Variants in KRT79 observed in about 807,000 individuals in gnomAD.
KRT79 encodes the protein keratin 79, also known as keratin, type II cytoskeletal 79.
In KRT79, 51 loss-of-function variants were observed where a neutral mutation model predicts 49.0. That is an observed-to-expected ratio of 1.04 (90% CI 0.83 to 1.31). KRT79 has a LOEUF of 1.31. Among genes scored for constraint, KRT79 ranks in the 40% most tolerant of loss-of-function variants. The probability of loss-of-function intolerance (pLI) is 0.00; values close to 1 mark genes in which losing one functional copy is unlikely to be tolerated. For synonymous variants in KRT79, 312 were observed against 286.6 expected, an observed-to-expected ratio of 1.09 and a Z score of -0.90; for missense variants, 728 against 688.0, an observed-to-expected ratio of 1.06 and a Z score of -0.65.
chr12:52,830,483 C>T (rs1429011202), intron 2 of KRT79, 191 bp from the exon 3 acceptor site: 16 of 582,866 alleles, frequency 2.7e-5, no homozygotes, highest in Admixed American at 6.1e-5. Context: ...TCTCTCCCCA[C>T]CCCATTTTAG....
rs116139599 is a variant in KRT79 at position 52,826,869 on chromosome 12, G to A, written c.856-2507C>T. ...GGTTACTGAGAGCCATGCTGGTTCCGTGACTGATCGAGCCCATGAGGCAGC... is the reference window on the plus strand; with the variant it reads ...GGTTACTGAGAGCCATGCTGGTTCCATGACTGATCGAGCCCATGAGGCAGC... On this transcript the variant is annotated intron_variant, in intron 4 of 8. Coordinates refer to ENST00000330553, the MANE Select transcript of KRT79 (RefSeq NM_175834.3). Among the ~76,000 whole-genome samples, 941 of 152,270 alleles carry A rather than the reference G, an allele frequency of 6.2e-3. 10 individuals are homozygous for A. The highest frequency in any genetic ancestry group is 0.022 in the African/African-American group (912 of 41,540).
intron 4 of KRT79, among the ~76,000 whole-genome samples, chr12:52,829,215 G>C (rs1940215505): frequency 6.6e-6 from 1 of 152,126 alleles, no homozygotes; most frequent in Non-Finnish European, 1.5e-5. Flanking sequence ...TCTCACTCTA[G>C]TCTCCAAAGC....
chr12:52,822,967 C>A lies in KRT79; in HGVS notation c.1367+49G>T, dbSNP rs557002474. 24 of 1,579,890 alleles carry A rather than the reference C, an allele frequency of 1.5e-5. No individual in the cohort carries two copies. The African/African-American group carries it at 1.6e-4, about 11-fold the overall frequency. On this transcript the variant is annotated intron_variant, in intron 7 of 8. Transcript: ENST00000330553. ...GGAGCAGACTCCCTGGGCTCTCCCC[C>A]AGGGCAGGCCCGACCCAGCTTTCTG...
At position 52,834,064 on chromosome 12, in the gene KRT79, C is replaced by T. The variant is rs1159313707; in HGVS notation, c.197G>A (p.Gly66Glu). The T allele has an allele frequency of 6.2e-7, 1 of 1,613,690 alleles. No individual in the cohort carries two copies. The highest frequency in any genetic ancestry group is 1.1e-5 in the South Asian group (1 of 91,064). Residue 66 changes from glycine to glutamate, a missense_variant, in exon 1 of 9, where the codon GGG (glycine) becomes GAG (glutamate). Coordinates refer to ENST00000330553, the MANE Select transcript of KRT79 (RefSeq NM_175834.3). ...GFGSRSLYNL[G>E]GHKSISVSVA... Reference sequence around the variant, plus strand: ...ACTGACAGAGATACTCTTGTGGCCCCCCAAGTTATAGAGGCTTCGGCTGCC... The same window carrying T: ...ACTGACAGAGATACTCTTGTGGCCCTCCAAGTTATAGAGGCTTCGGCTGCC...
Position 52,833,887 on chromosome 12 carries a change from G to A in KRT79, c.374C>T (p.Thr125Ile). 2 of 1,613,892 alleles carry A rather than the reference G, an allele frequency of 1.2e-6. No individual in the cohort carries two copies. Among genetic ancestry groups the A allele is most frequent in the Non-Finnish European group, 1.7e-6 (2 of 1,179,960 alleles). The stretch of plus-strand genomic sequence containing the variant: ...GGGGTCAATCTCCACATGGAGGGGG[G>A]TCAGCAGGCTCTGGTTGACAGTGAC... ...QEVTVNQSLL[T>I]PLHVEIDPEI... The change falls in exon 1 of 9, where the codon ACC becomes ATC. Residue 125 changes from threonine to isoleucine, a missense_variant. Transcript: ENST00000330553.
chr12:52,830,424 T>C (rs967834884), intron 2 of KRT79, 132 bp from the exon 3 acceptor site: 1 of 697,596 alleles, frequency 1.4e-6, no homozygotes, highest in Non-Finnish European at 2.5e-6. Context: ...AGTTCTTTAA[T>C]GTAGCCAACC....
Position 52,833,845 on chromosome 12 carries a change from C to T in KRT79, c.416G>A (p.Arg139His), listed in dbSNP as rs140416696. Residue 139 changes from arginine (R) to histidine (H), a missense_variant, in exon 1 of 9, where the codon CGC (arginine) becomes CAC (histidine). By Grantham distance (29) the Arg-to-His change is conservative. Coordinates refer to ENST00000330553, the MANE Select transcript of KRT79 (RefSeq NM_175834.3). ...CTTGATCTGCTCCCGCTCCTGAGTG[C>T]GCACTCGCTGGATCTCGGGGTCAAT... Reference protein sequence around the residue: ...VEIDPEIQRVRTQEREQIKTL... With the variant: ...VEIDPEIQRVHTQEREQIKTL... 1.7e-4 allele frequency: 267 copies of T among 1,613,950 alleles called. 1 individual carries two copies. The highest frequency in any genetic ancestry group is 8.5e-4 in the East Asian group (38 of 44,842).
intron 1 of KRT79, among the ~76,000 whole-genome samples, chr12:52,832,768 A>G (rs1236754202): frequency 1.3e-5 from 2 of 152,316 alleles, no homozygotes; most frequent in Admixed American, 6.5e-5. Context: ...CAAGAACCAC[A>G]GAGTCCAGGG....
chr12:52,832,922 C>T (rs938691520), intron 1 of KRT79, among the ~76,000 whole-genome samples: 1 of 152,158 alleles, frequency 6.6e-6, no homozygotes, highest in Non-Finnish European at 1.5e-5. Flanking sequence ...ACTGTGGGTA[C>T]CTCAGGAGAA....
chr12:52,834,282 C>T lies in KRT79; in HGVS notation c.-22G>A, dbSNP rs757084507. 6 of 1,591,744 alleles carry T rather than the reference C, an allele frequency of 3.8e-6. No homozygotes were observed. Among genetic ancestry groups the T allele is most frequent in the Non-Finnish European group, 4.3e-6 (5 of 1,161,836 alleles). ...TCATAGCTGCAGAGGGGCCGGAGGG[C>T]AGGATGAGAGGGCAGGAAGGGAGTG... On this transcript the variant is annotated 5_prime_UTR_variant, in exon 1 of 9. Coordinates refer to ENST00000330553, the MANE Select transcript of KRT79 (RefSeq NM_175834.3).
At chr12:52,829,959 C>T (rs1302612897) in intron 4 of KRT79, 64 bp downstream of exon 4, 4 of 1,375,364 alleles carry the variant, frequency 2.9e-6, no homozygotes, top group African/African-American at 1.4e-5. Flanking sequence ...GTCAGACCTC[C>T]ATGGAAAACG....
At chr12:52,826,275 G>T (rs1222919530) in intron 4 of KRT79, among the ~76,000 whole-genome samples, 3 of 152,294 alleles carry the variant, frequency 2.0e-5, no homozygotes, top group East Asian at 1.9e-4. Context: ...GCCAGGTGCA[G>T]TGGCTCACAC....
chr12:52,829,969 G>A (rs1222218633), intron 4 of KRT79, 54 bp downstream of exon 4: 10 of 1,444,116 alleles, frequency 6.9e-6, no homozygotes, highest in African/African-American at 5.6e-5. Context: ...CATGGAAAAC[G>A]CCCAGTGCTG....
rs564276596 is a variant in KRT79 at position 52,833,147 on chromosome 12, C to T, written c.477+637G>A. On this transcript the variant is annotated intron_variant, in intron 1 of 8. Transcript: ENST00000330553. ...ATGCCTATGGGCAACAGGTCAAATT[C>T]CACATTCCCAGAGCTTGGTGACCTG... 2.6e-5 allele frequency among the ~76,000 whole-genome samples: 4 copies of T among 152,304 alleles called. No individual in the cohort carries two copies. The South Asian group carries it at 8.3e-4, about 32-fold the overall frequency.
intron 4 of KRT79, among the ~76,000 whole-genome samples, chr12:52,826,056 G>A (rs1265197301): frequency 2.0e-5 from 3 of 152,070 alleles, no homozygotes; most frequent in East Asian, 3.9e-4. Flanking sequence ...CTTCCCCACC[G>A]AGATGAACTG....
chr12:52,831,392 C>A lies in KRT79; in HGVS notation c.698+14G>T. 1 of 1,612,966 alleles carries A rather than the reference C, an allele frequency of 6.2e-7. No individual in the cohort carries two copies. The highest frequency in any genetic ancestry group is 8.5e-7 in the Non-Finnish European group (1 of 1,178,990). ...CTCACTCCCACATGGCCCCGCCTGGCCTGCTCTCCTCACTTGTTCTTGAAG... is the reference window on the plus strand; with the variant it reads ...CTCACTCCCACATGGCCCCGCCTGGACTGCTCTCCTCACTTGTTCTTGAAG... On this transcript the variant is annotated intron_variant, in intron 2 of 8. Transcript: ENST00000330553.
intron 4 of KRT79, among the ~76,000 whole-genome samples, chr12:52,825,850 GT>G (rs1940168420): frequency 6.6e-6 from 1 of 152,176 alleles, no homozygotes; most frequent in Non-Finnish European, 1.5e-5. Context: ...CGATGCCTCA[GT>G]TCCCTCTTCT....
chr12:52,822,317 G>A, intron 8 of KRT79, 28 bp downstream of exon 8: 1 of 1,602,894 alleles, frequency 6.2e-7, no homozygotes, highest in Non-Finnish European at 8.5e-7. Context: ...GCCAGGGGTG[G>A]AGCAGGAAGT....
At position 52,834,081 on chromosome 12, in the gene KRT79, TC is replaced by T. The variant is rs1565693691; in HGVS notation, c.179del (p.Arg60GlnfsTer65). On this transcript the variant is annotated frameshift_variant, in exon 1 of 9. Transcript: ENST00000330553. LOFTEE classifies it high-confidence loss of function. ...CGPGTGGFGS[R>X]SLYNLGGHKS... ...TGTGGCCCCCCAAGTTATAGAGGCT[TC>T]GGCTGCCAAAGCCACCTGTGCCGGG... is the stretch of plus-strand genomic sequence containing the variant. 6.2e-7 allele frequency: 1 copy of T among 1,613,248 alleles called. No homozygotes were observed. The highest frequency in any genetic ancestry group is 1.7e-5 in the Admixed American group (1 of 60,010).
Sources: allele counts gnomAD v4.1 joint callset (sites outside exome capture counted in the v4.1 genomes callset), GRCh38; gene constraint gnomAD v4.1.1; transcripts MANE v1.5; gene names NCBI Gene and HGNC (gene_info 2026-07-23, HGNC 2026-07-21).